EPHA2: variants seen among roughly 807,000 people sequenced by gnomAD.
The protein encoded by EPHA2 is ephrin type-A receptor 2.
In EPHA2, 54 loss-of-function variants were observed where a neutral mutation model predicts 104.9. The ratio of observed to expected loss-of-function variants is 0.51; its 90% confidence interval spans 0.41 to 0.65. The LOEUF (loss-of-function observed/expected upper bound fraction) is 0.65. Among genes scored for constraint, EPHA2 ranks in the 30% least tolerant of loss-of-function variants. The pLI, the probability that EPHA2 is intolerant of heterozygous loss-of-function variation, is 0.00. For missense variants in EPHA2, 1,117 were observed against 1,369.5 expected, an observed-to-expected ratio of 0.82 and a Z score of 2.91; for synonymous variants, 560 against 559.1, an observed-to-expected ratio of 1.00 and a Z score of -0.02.
Position 16,135,177 on chromosome 1 carries a change from T to C in EPHA2, c.1441A>G (p.Ser481Gly), listed in dbSNP as rs756687171. 6 of 1,613,746 alleles carry C rather than the reference T, an allele frequency of 3.7e-6. No individual in the cohort carries two copies. Among genetic ancestry groups the C allele is most frequent in the Non-Finnish European group, 5.1e-6 (6 of 1,179,904 alleles). ...CCCTCGGTGCGGCGCACATTGTAGCTGTTGGAGTCTCCCTGTGGGTGGGTG... is the reference window on the plus strand; with the variant it reads ...CCCTCGGTGCGGCGCACATTGTAGCCGTTGGAGTCTCCCTGTGGGTGGGTG... ...VTYRKKGDSN[S>G]YNVRRTEGFS... Residue 481 changes from serine (S) to glycine (G), a missense_variant, in exon 7 of 17, where the codon AGC becomes GGC. Ser to Gly is a moderately conservative substitution (Grantham distance 56). This residue lies in a region of EPHA2 where 664 missense variants were observed against 784.8 expected (regional missense o/e 0.85). Coordinates refer to ENST00000358432, the MANE Select transcript of EPHA2 (RefSeq NM_004431.5). This position sits in a 1 kb window ranked among gnomAD's most constrained non-coding sequence, Gnocchi z 4.3.
At chr1:16,147,922 A>G (rs115532882) in intron 3 of EPHA2, among the ~76,000 whole-genome samples, 3,688 of 151,102 alleles carry the variant, frequency 0.024, 165 homozygotes, top group African/African-American at 0.086. Context: ...CCCAGGCTGG[A>G]GTACAGTGGT....
rs530722572 is a variant in EPHA2 at position 16,148,166 on chromosome 1, G to A, written c.823+212C>T. Among the ~76,000 whole-genome samples, 81 of 152,122 alleles carry A rather than the reference G, an allele frequency of 5.3e-4. No homozygotes were observed. The highest frequency in any genetic ancestry group is 1.0e-3 in the Non-Finnish European group (71 of 68,024). ...GCTGGGATTACAGGCATGAGCCACCGTGCCCAGCCACAATTCATTCATTCT... is the reference window on the plus strand; with the variant it reads ...GCTGGGATTACAGGCATGAGCCACCATGCCCAGCCACAATTCATTCATTCT... On this transcript the variant is annotated intron_variant, in intron 3 of 16. Coordinates refer to ENST00000358432, the MANE Select transcript of EPHA2 (RefSeq NM_004431.5). The surrounding 1 kb of genome is among the most constrained non-coding windows in gnomAD (Gnocchi z 4.9).
intron 3 of EPHA2, among the ~76,000 whole-genome samples, chr1:16,143,072 T>G (rs1358154385): frequency 0.027 from 1,304 of 48,166 alleles, no homozygotes; most frequent in Middle Eastern, 0.034. Context: ...TGGAGGGGGG[T>G]ATGAGTGGAT....
intron 3 of EPHA2, among the ~76,000 whole-genome samples, chr1:16,140,143 T>G (rs547651889): frequency 3.2e-4 from 48 of 152,260 alleles, no homozygotes; most frequent in Admixed American, 3.1e-3. Flanking sequence ...AGGTGCCAGA[T>G]AGTGACCTCC....
chr1:16,142,936 G>A (rs1343898856), intron 3 of EPHA2, among the ~76,000 whole-genome samples: 1 of 148,476 alleles, frequency 6.7e-6, no homozygotes, highest in Non-Finnish European at 1.5e-5. Flanking sequence ...ATGAGTAGAT[G>A]GATGGATGAG....
chr1:16,136,708 G>GAA (rs1306749171), intron 5 of EPHA2, among the ~76,000 whole-genome samples: 232 of 88,418 alleles, frequency 2.6e-3, no homozygotes, highest in South Asian at 3.8e-3. Flanking sequence ...AGAAGAAGAA[G>GAA]AAGAAAAGAA....
Position 16,128,647 on chromosome 1 carries a change from C to A in EPHA2, c.2825+787G>T, listed in dbSNP as rs57138197. Among the ~76,000 whole-genome samples the A allele has an allele frequency of 4.5e-4, 69 of 152,280 alleles. No homozygotes were observed. The highest frequency in any genetic ancestry group is 9.7e-4 in the East Asian group (5 of 5,178). ...AAGGCTAAGAGGATAGGGTCTCCCC[C>A]TTCCTGGGACAGGAGGAGGTGTCTG... On this transcript the variant is annotated intron_variant, in intron 16 of 16. Coordinates refer to ENST00000358432, the MANE Select transcript of EPHA2 (RefSeq NM_004431.5). The surrounding 1 kb of genome is among the most constrained non-coding windows in gnomAD (Gnocchi z 4.7).
rs568797102 is a variant in EPHA2, at chr1:16,137,562, C to A, written c.1312+291G>T. On this transcript the variant is annotated intron_variant, in intron 5 of 16. Transcript: ENST00000358432. The stretch of plus-strand genomic sequence containing the variant: ...GCAGTGAGCCGAGATCAAGCCACTG[C>A]ACTCCAGCCTGGGCAACAGAGCGAG... Among the ~76,000 whole-genome samples the A allele has an allele frequency of 5.2e-4, 79 of 152,322 alleles. 1 individual carries two copies. The South Asian group carries it at 8.1e-3, about 16-fold the overall frequency.
At position 16,131,645 on chromosome 1, in the gene EPHA2, C is replaced by T; in HGVS notation, c.2475+76G>A. 6.3e-7 allele frequency: 1 copy of T among 1,593,192 alleles called. No individual in the cohort carries two copies. Among genetic ancestry groups the T allele is most frequent in the Non-Finnish European group, 8.6e-7 (1 of 1,163,376 alleles). Reference sequence around the variant, plus strand: ...AGGTTCATCTAAACTGTCCTCTGCCCAGCCCCTGCAGTTTGAGATGAGTAA... The same window carrying T: ...AGGTTCATCTAAACTGTCCTCTGCCTAGCCCCTGCAGTTTGAGATGAGTAA... On this transcript the variant is annotated intron_variant, in intron 14 of 16. Coordinates refer to ENST00000358432, the MANE Select transcript of EPHA2 (RefSeq NM_004431.5). The surrounding 1 kb of genome is among the most constrained non-coding windows in gnomAD (Gnocchi z 5.2).
rs2025156182 is a variant in EPHA2, at chr1:16,155,878, C to T, written c.55G>A (p.Ala19Thr). 1 of 1,465,492 alleles carries T rather than the reference C, an allele frequency of 6.8e-7. No homozygotes were observed. The highest frequency in any genetic ancestry group is 2.0e-4 in the Middle Eastern group (1 of 5,012). 90.8% of individuals were successfully genotyped at this position (1,465,492 alleles called of 1,614,324 possible). A position where few individuals can be genotyped will look rare whatever the true frequency, so the allele number is the denominator to read the frequency against. The change falls in exon 1 of 17, where the codon GCC becomes ACC. Residue 19 changes from alanine to threonine, a missense_variant. This residue lies in a region of EPHA2 where 664 missense variants were observed against 784.8 expected (regional missense o/e 0.85). Coordinates refer to ENST00000358432, the MANE Select transcript of EPHA2 (RefSeq NM_004431.5). ...CFALLWGCAL[A>T]AAAAAQGKEV... ...TTGCCCTGCGCCGCCGCGGCCGCGG[C>T]CAGCGCACAGCCCCACAGCAGGGCG...
intron 3 of EPHA2, among the ~76,000 whole-genome samples, chr1:16,146,732 A>G (rs1430919767): frequency 1.3e-5 from 2 of 152,142 alleles, no homozygotes; most frequent in Non-Finnish European, 2.9e-5. Flanking sequence ...GGGTTTACAG[A>G]CCGTGTTAAG....
intron 5 of EPHA2, among the ~76,000 whole-genome samples, chr1:16,137,190 C>T (rs889850144): frequency 1.3e-4 from 19 of 151,984 alleles, no homozygotes; most frequent in African/African-American, 2.4e-4. Context: ...AGCTCAGAAG[C>T]GGCTCTGGAG....
In EPHA2 at chr1:16,129,660, C is replaced by T. The variant is rs115803694; in HGVS notation, c.2670-71G>A. The T allele has an allele frequency of 1.5e-3, 2,343 of 1,526,862 alleles. 31 individuals are homozygous for T. In the African/African-American group the frequency reaches 0.029, roughly 19 times the overall value. The allele number at this position is 1,526,862 out of a possible 1,614,324, so 94.6% of individuals were successfully genotyped here. A position where few individuals can be genotyped will look rare whatever the true frequency, so the allele number is the denominator to read the frequency against. On this transcript the variant is annotated intron_variant, in intron 15 of 16. Transcript: ENST00000358432. ...ACCCTGGGCCCTGCACCTGCTGCTCCCTAACCTGGATGATTGACTCGGCTG... is the reference window on the plus strand; with the variant it reads ...ACCCTGGGCCCTGCACCTGCTGCTCTCTAACCTGGATGATTGACTCGGCTG...
intron 1 of EPHA2, among the ~76,000 whole-genome samples, chr1:16,151,929 T>G (rs961315721): frequency 6.6e-6 from 1 of 152,124 alleles, no homozygotes; most frequent in African/African-American, 2.4e-5. Context: ...CTCCCACTGA[T>G]CCACCCCAGG....
chr1:16,134,688 CA>C lies in EPHA2; in HGVS notation c.1583-122del. On this transcript the variant is annotated intron_variant, in intron 7 of 16. Transcript: ENST00000358432. The surrounding 1 kb of genome is among the most constrained non-coding windows in gnomAD (Gnocchi z 4.5). ...TGGGTGCTTGCACTTGGGAAGGCTC[CA>C]GAGGGTACTTAGTCCCATTTCATAG... The C allele has an allele frequency of 9.3e-7, 1 of 1,081,070 alleles. No homozygotes were observed. Among genetic ancestry groups the C allele is most frequent in the Non-Finnish European group, 1.4e-6 (1 of 719,426 alleles). The allele number at this position is 1,081,070 out of a possible 1,614,324, so 67.0% of individuals were successfully genotyped here.
At position 16,133,553 on chromosome 1, in the gene EPHA2, T is replaced by C; in HGVS notation, c.1792A>G (p.Asn598Asp). ...YVDPHTYEDP[N>D]QAVLKFTTEI... The stretch of plus-strand genomic sequence containing the variant: ...GTAGTGAACTTCAACACAGCCTGGT[T>C]GGGGTCCTCATATGTGTGGGGGTCC... Residue 598 changes from asparagine to aspartate, a missense_variant, in exon 10 of 17, where the codon AAC becomes GAC. By Grantham distance (23) the Asn-to-Asp change is conservative (BLOSUM62 1). Transcript: ENST00000358432. 1 of 1,614,110 alleles carries C rather than the reference T, an allele frequency of 6.2e-7. No homozygotes were observed.
At position 16,155,955 on chromosome 1, in the gene EPHA2, C is replaced by T. The variant is rs2025159833; in HGVS notation, c.-23G>A. 3 of 1,482,424 alleles carry T rather than the reference C, an allele frequency of 2.0e-6. No homozygotes were observed. Among genetic ancestry groups the T allele is most frequent in the African/African-American group, 1.5e-5 (1 of 68,342 alleles). The allele number at this position is 1,482,424 out of a possible 1,614,324, so 91.8% of individuals were successfully genotyped here. A position where few individuals can be genotyped will look rare whatever the true frequency, so the allele number is the denominator to read the frequency against. On this transcript the variant is annotated 5_prime_UTR_variant, in exon 1 of 17. Coordinates refer to ENST00000358432, the MANE Select transcript of EPHA2 (RefSeq NM_004431.5). ...CATGCCGCGCTTCTCGCTCTCGGTCCGATCCCCCCGAGCCCGGCTCCCGCA... is the reference window on the plus strand; with the variant it reads ...CATGCCGCGCTTCTCGCTCTCGGTCTGATCCCCCCGAGCCCGGCTCCCGCA...
rs2291804 is a variant in EPHA2 at position 16,138,441 on chromosome 1, C to T, written c.824-11G>A. 37,075 of 1,613,248 alleles carry T rather than the reference C, an allele frequency of 0.023. 524 individuals are homozygous for T. Among genetic ancestry groups the T allele is most frequent in the South Asian group, 0.046 (4,169 of 91,064 alleles). ...ATCCAGGCGAGCAGGCTGGTGGACA[C>T]AGGACAGACAGAGCACAAGGACATC... On this transcript the variant is annotated splice_polypyrimidine_tract_variant and intron_variant, in intron 3 of 16. Coordinates refer to ENST00000358432, the MANE Select transcript of EPHA2 (RefSeq NM_004431.5).
In EPHA2 at chr1:16,156,000, C is replaced by T. The variant is rs1480864692; in HGVS notation, c.-68G>A. ...CCCGCACACCCGCACGCCTGCACGC[C>T]GGCCTCGGTGTCCGCTCCCGCCCGC... On this transcript the variant is annotated 5_prime_UTR_variant, in exon 1 of 17. Transcript: ENST00000358432. The T allele has an allele frequency of 9.7e-6, 13 of 1,336,446 alleles. No homozygotes were observed. The highest frequency in any genetic ancestry group is 1.3e-5 in the Non-Finnish European group (13 of 1,025,062). The allele number at this position is 1,336,446 out of a possible 1,614,324, so 82.8% of individuals were successfully genotyped here. A position where few individuals can be genotyped will look rare whatever the true frequency, so the allele number is the denominator to read the frequency against.
Sources: gnomAD v4.1 joint callset for allele counts (sites outside exome capture counted in the v4.1 genomes callset) on GRCh38, gnomAD v4.1.1 for gene constraint, gnomAD v4.1.1 regional missense constraint, Gnocchi (gnomAD v3.1) non-coding constraint, MANE v1.5 for transcripts, NCBI Gene and HGNC (gene_info 2026-07-23, HGNC 2026-07-21) for gene names.